CHCHD3: variants seen among roughly 807,000 people sequenced by gnomAD.
The protein encoded by CHCHD3 is MICOS complex subunit MIC19.
In CHCHD3, 20 loss-of-function variants were observed where a neutral mutation model predicts 38.2. The ratio of observed to expected loss-of-function variants is 0.52; its 90% CI spans 0.37 to 0.76. The LOEUF (loss-of-function observed/expected upper bound fraction) is 0.76, where lower values mean the gene tolerates loss of function less well. CHCHD3 is among the 30% of genes least tolerant of loss of function. The pLI, the probability that CHCHD3 is intolerant of heterozygous loss-of-function variation, is 0.00. For synonymous variants in CHCHD3, 82 were observed against 100.0 expected (o/e 0.82, Z 1.07); for missense variants, 245 against 279.2 (o/e 0.88, Z 0.87).
chr7:132,829,138 T>C (rs1807576646), intron 6 of CHCHD3, among the ~76,000 whole-genome samples: 1 of 152,218 alleles, frequency 6.6e-6, no homozygotes, highest in Non-Finnish European at 1.5e-5. Flanking sequence ...GAATTCTAGT[T>C]GGAATTGGCA....
rs11290365 is a variant in CHCHD3, at chr7:132,967,827, C to CA, written c.369+7341dup. On this transcript the variant is annotated intron_variant, in intron 4 of 7. Transcript: ENST00000262570. ...CTGGGCAACAAGTAAGACCCTGTCTCAAAAAAAAAAAAAAAAGAACCTAGG... is the reference window on the plus strand; with the variant it reads ...CTGGGCAACAAGTAAGACCCTGTCTCAAAAAAAAAAAAAAAAAGAACCTAGG... Among the ~76,000 whole-genome samples, 88 of 127,932 alleles carry CA rather than the reference C, an allele frequency of 6.9e-4. 1 individual carries two copies. The highest frequency in any genetic ancestry group is 3.9e-3 in the Middle Eastern group (1 of 256). 83.9% of individuals were successfully genotyped at this position (127,932 alleles called of 152,430 possible). A position where few individuals can be genotyped will look rare whatever the true frequency, so the allele number is the denominator to read the frequency against.
At chr7:132,842,965 T>C (rs1268538071) in intron 5 of CHCHD3, among the ~76,000 whole-genome samples, 1 of 152,216 alleles carries the variant, frequency 6.6e-6, no homozygotes, top group Non-Finnish European at 1.5e-5. Flanking sequence ...CCATCACCTT[T>C]TGGTATCCAC....
chr7:132,996,809 G>A (rs1049997813), intron 3 of CHCHD3, among the ~76,000 whole-genome samples: 1 of 152,190 alleles, frequency 6.6e-6, no homozygotes, highest in Admixed American at 6.5e-5. Context: ...AGCCTTTCAA[G>A]AAGAAAAACA....
At chr7:132,802,301 C>T (rs1171480285) in intron 6 of CHCHD3, among the ~76,000 whole-genome samples, 1 of 152,004 alleles carries the variant, frequency 6.6e-6, no homozygotes, top group East Asian at 1.9e-4. Flanking sequence ...GGGAGAGTAA[C>T]ACACCCTGAC....
At chr7:132,963,447 C>T (rs1189948005) in intron 4 of CHCHD3, among the ~76,000 whole-genome samples, 9 of 146,826 alleles carry the variant, frequency 6.1e-5, no homozygotes, top group East Asian at 2.0e-4. Context: ...CTGGCTAACA[C>T]GGTGAAACTC....
chr7:133,010,484 A>G (rs1193872108), intron 3 of CHCHD3, among the ~76,000 whole-genome samples: 1 of 152,182 alleles, frequency 6.6e-6, no homozygotes, highest in African/African-American at 2.4e-5. Flanking sequence ...TCCCATTTTA[A>G]TGTATTTAGC....
chr7:132,814,888 G>C (rs557349112), intron 6 of CHCHD3, among the ~76,000 whole-genome samples: 5 of 152,290 alleles, frequency 3.3e-5, no homozygotes, highest in Admixed American at 1.3e-4. Context: ...AATGTCAACT[G>C]TCAAATAGGA....
At chr7:132,928,379 G>A (rs942228406) in intron 4 of CHCHD3, among the ~76,000 whole-genome samples, 6 of 152,228 alleles carry the variant, frequency 3.9e-5, no homozygotes, top group South Asian at 2.1e-4. Flanking sequence ...TGTACCCCTT[G>A]GGCTGTCTTA....
At chr7:133,036,832 T>A (rs1813692250) in intron 2 of CHCHD3, among the ~76,000 whole-genome samples, 3 of 152,230 alleles carry the variant, frequency 2.0e-5, no homozygotes, top group Non-Finnish European at 2.9e-5. Context: ...GTATAACATT[T>A]CATTGAGCCA....
At chr7:132,819,642 A>G (rs1387556225) in intron 6 of CHCHD3, among the ~76,000 whole-genome samples, 1 of 152,226 alleles carries the variant, frequency 6.6e-6, no homozygotes, top group Non-Finnish European at 1.5e-5. Context: ...CACTGATGCC[A>G]CTTACATTGT....
intron 4 of CHCHD3, among the ~76,000 whole-genome samples, chr7:132,928,301 A>G (rs1400734282): frequency 1.3e-5 from 2 of 152,198 alleles, no homozygotes; most frequent in Admixed American, 6.5e-5. Context: ...TCAATATCTG[A>G]TTAGCAATGA....
chr7:133,010,440 T>A (rs1166376391), intron 3 of CHCHD3, among the ~76,000 whole-genome samples: 3 of 152,316 alleles, frequency 2.0e-5, no homozygotes, highest in African/African-American at 7.2e-5. Flanking sequence ...ATATGATGAT[T>A]CTCCTGTCTC....
chr7:132,958,249 T>G (rs1811229974), intron 4 of CHCHD3, among the ~76,000 whole-genome samples: 1 of 152,256 alleles, frequency 6.6e-6, no homozygotes, highest in Non-Finnish European at 1.5e-5. Flanking sequence ...GCTGGTCTTT[T>G]ACAATCTCTT....
intron 2 of CHCHD3, among the ~76,000 whole-genome samples, chr7:133,044,515 C>T (rs932802971): frequency 5.9e-5 from 9 of 152,050 alleles, no homozygotes; most frequent in African/African-American, 1.7e-4. Flanking sequence ...AATAATAATA[C>T]AAGAAGTACT....
At chr7:132,945,273 C>T (rs2117277260) in intron 4 of CHCHD3, among the ~76,000 whole-genome samples, 1 of 151,918 alleles carries the variant, frequency 6.6e-6, no homozygotes, top group South Asian at 2.1e-4. Flanking sequence ...CCAGCACTAC[C>T]TAACATTAAA....
intron 1 of CHCHD3, among the ~76,000 whole-genome samples, chr7:133,079,842 T>C (rs1466958841): frequency 2.0e-5 from 3 of 152,256 alleles, no homozygotes; most frequent in Non-Finnish European, 2.9e-5. Flanking sequence ...GATACTCTTT[T>C]GATCATGAGC....
intron 4 of CHCHD3, among the ~76,000 whole-genome samples, chr7:132,972,325 A>G (rs1811633124): frequency 6.6e-6 from 1 of 152,246 alleles, no homozygotes; most frequent in Non-Finnish European, 1.5e-5. Context: ...TTATTGTAAC[A>G]GTTATACAAA....
chr7:132,975,095 A>G, intron 4 of CHCHD3, 74 bp downstream of exon 4: 3 of 1,114,242 alleles, frequency 2.7e-6, no homozygotes, highest in Non-Finnish European at 4.1e-6. Flanking sequence ...GCTGGCACAG[A>G]GTACTTAGCT....
intron 5 of CHCHD3, among the ~76,000 whole-genome samples, chr7:132,850,393 G>C (rs920860081): frequency 3.4e-5 from 5 of 147,934 alleles, no homozygotes; most frequent in African/African-American, 1.2e-4. Context: ...GGCATTTCTA[G>C]TTTTATTCCA....
Sources: gnomAD v4.1 joint callset for allele counts (sites outside exome capture counted in the v4.1 genomes callset) on GRCh38, gnomAD v4.1.1 for gene constraint, MANE v1.5 for transcripts, NCBI Gene and HGNC (gene_info 2026-07-23, HGNC 2026-07-21) for gene names.